The following WDR41 variants were observed in gnomAD, a reference collection of about 807,000 sequenced individuals.
The protein encoded by WDR41 is WD repeat domain 41, also known as WD repeat-containing protein 41.
Under a neutral mutation model 69.3 loss-of-function variants are expected in WDR41, and 63 were observed. The observed-to-expected ratio is 0.91, with a 90% CI of 0.74 to 1.12. The LOEUF (loss-of-function observed/expected upper bound fraction) is 1.12. WDR41 is among the 50% of genes most tolerant of loss of function. The probability of loss-of-function intolerance (pLI) is 0.00; values close to 1 mark genes in which losing one functional copy is unlikely to be tolerated. For missense variants in WDR41, 543 were observed against 534.5 expected, an observed-to-expected ratio of 1.02 and a Z score of -0.16; for synonymous variants, 185 against 192.1, an observed-to-expected ratio of 0.96 and a Z score of 0.31.
chr5:77,609,135 T>C (rs987760153), intron 1 of WDR41, among the ~76,000 whole-genome samples: 2 of 151,996 alleles, frequency 1.3e-5, no homozygotes, highest in African/African-American at 4.8e-5. Flanking sequence ...CTTGCTTAGG[T>C]AAACAAAGCA....
At chr5:77,446,839 A>G (rs1295447370) in intron 8 of WDR41, among the ~76,000 whole-genome samples, 1 of 152,234 alleles carries the variant, frequency 6.6e-6, no homozygotes, top group African/African-American at 2.4e-5. Flanking sequence ...AACCTAGGCA[A>G]TACCATTCAG....
intron 1 of WDR41, among the ~76,000 whole-genome samples, chr5:77,576,194 T>G (rs374577817): frequency 4.6e-5 from 7 of 152,138 alleles, no homozygotes; most frequent in East Asian, 1.9e-4. Flanking sequence ...TCAGCCCCAT[T>G]CCCTCCTGTC....
intron 2 of WDR41, among the ~76,000 whole-genome samples, chr5:77,465,513 T>C (rs923595505): frequency 3.9e-5 from 6 of 152,106 alleles, no homozygotes; most frequent in African/African-American, 1.4e-4. Context: ...TCAAAAGGAA[T>C]AACCTGTCAT....
chr5:77,615,036 T>C (rs918166049), intron 1 of WDR41, among the ~76,000 whole-genome samples: 2 of 152,144 alleles, frequency 1.3e-5, no homozygotes, highest in Non-Finnish European at 2.9e-5. Context: ...AGTGGCTGCC[T>C]GAGGCTGAAA....
upstream of WDR41, among the ~76,000 whole-genome samples, chr5:77,495,456 T>C (rs1239380395): frequency 1.3e-5 from 2 of 151,894 alleles, no homozygotes; most frequent in African/African-American, 4.8e-5. Flanking sequence ...ACTACTGACT[T>C]TGCAGAGAGA....
intron 1 of WDR41, among the ~76,000 whole-genome samples, chr5:77,612,213 A>T (rs1249687426): frequency 1.3e-5 from 2 of 152,246 alleles, no homozygotes; most frequent in Non-Finnish European, 2.9e-5. Flanking sequence ...TACCAGAGGT[A>T]CAAGGAGGAA....
chr5:77,577,628 T>C (rs1283273938), intron 1 of WDR41, among the ~76,000 whole-genome samples: 1 of 152,130 alleles, frequency 6.6e-6, no homozygotes, highest in African/African-American at 2.4e-5. Flanking sequence ...TGCTAGATGT[T>C]TACCCTAGAG....
In WDR41 at chr5:77,449,808, G is replaced by A. The variant is rs757653011; in HGVS notation, c.649C>T (p.Arg217Cys). The A allele has an allele frequency of 9.9e-6, 16 of 1,613,502 alleles. No homozygotes were observed. In the Admixed American group the frequency reaches 1.2e-4, roughly 12 times the overall value. The change falls in exon 8 of 13, where the codon CGC becomes TGC. Residue 217 changes from arginine (R) to cysteine (C), a missense_variant. Transcript: ENST00000296679. ...SLEWDILEVK[R>C]LLDHQDNILS... Reference sequence around the variant, plus strand: ...ATATTATCCTGGTGATCAAGGAGGCGCTTAACTTCAAGAATATCCCATTCT... The same window carrying A: ...ATATTATCCTGGTGATCAAGGAGGCACTTAACTTCAAGAATATCCCATTCT...
chr5:77,617,541 G>A (rs1244660773), intron 1 of WDR41, among the ~76,000 whole-genome samples: 5 of 152,066 alleles, frequency 3.3e-5, no homozygotes, highest in Non-Finnish European at 5.9e-5. Flanking sequence ...TTAAAAATCA[G>A]AGAAAGCTAT....
intron 1 of WDR41, among the ~76,000 whole-genome samples, chr5:77,591,712 T>A (rs186200360): frequency 3.9e-5 from 6 of 152,162 alleles, no homozygotes; most frequent in African/African-American, 1.2e-4. Flanking sequence ...TACTCGTTTT[T>A]CTGTTATTGA....
intron 1 of WDR41, among the ~76,000 whole-genome samples, chr5:77,590,351 C>T (rs1744114111): frequency 6.6e-6 from 1 of 152,070 alleles, no homozygotes; most frequent in Admixed American, 6.6e-5. Flanking sequence ...CATATAACAC[C>T]CAACAGGATG....
chr5:77,453,772 T>C lies in WDR41; in HGVS notation c.523+45A>G, dbSNP rs577399853. 9 of 1,467,564 alleles carry C rather than the reference T, an allele frequency of 6.1e-6. No individual in the cohort carries two copies. The Admixed American group carries it at 1.5e-4, about 25-fold the overall frequency. The allele number at this position is 1,467,564 out of a possible 1,614,324, so 90.9% of individuals were successfully genotyped here. On this transcript the variant is annotated intron_variant, in intron 6 of 12. Transcript: ENST00000296679. Reference sequence around the variant, plus strand: ...GTCTCTCTGAAGATCTGCTGTGTCTTCTAGTCTGTCAATCATAGTTCAAAA... The same window carrying C: ...GTCTCTCTGAAGATCTGCTGTGTCTCCTAGTCTGTCAATCATAGTTCAAAA...
chr5:77,484,765 G>A (rs545085729), intron 2 of WDR41, among the ~76,000 whole-genome samples: 23 of 152,272 alleles, frequency 1.5e-4, no homozygotes, highest in Admixed American at 1.2e-3. Context: ...TGTGGCAGAC[G>A]CCAATACCTG....
At chr5:77,607,613 T>C (rs13178237) in intron 1 of WDR41, among the ~76,000 whole-genome samples, 13,816 of 152,296 alleles carry the variant, frequency 0.091, 869 homozygotes, top group East Asian at 0.25. Context: ...CTTCTAGATA[T>C]GTCATTCCAA....
At position 77,431,139 on chromosome 5, in the gene WDR41, G is replaced by A. The variant is rs1188361563; in HGVS notation, c.*1996C>T. 1 of 152,214 alleles carries A rather than the reference G, an allele frequency of 6.6e-6. No individual in the cohort carries two copies. The highest frequency in any genetic ancestry group is 1.9e-4 in the East Asian group (1 of 5,204). The allele number at this position is 152,214 out of a possible 1,614,324, so 9.4% of individuals were successfully genotyped here. A position where few individuals can be genotyped will look rare whatever the true frequency, so the allele number is the denominator to read the frequency against. ...AGATGACAGACTCTAAATTTTGAAA[G>A]AAGTTCTACTGTGGGTAAAATGCTA... is the stretch of plus-strand genomic sequence containing the variant. On this transcript the variant is annotated 3_prime_UTR_variant, in exon 13 of 13. Transcript: ENST00000296679.
chr5:77,610,722 C>A (rs1181874757), intron 1 of WDR41, among the ~76,000 whole-genome samples: 1 of 152,212 alleles, frequency 6.6e-6, no homozygotes, highest in East Asian at 1.9e-4. Context: ...TAAAGACCAT[C>A]AAGACTAGGA....
At chr5:77,618,680 G>A (rs1416204994) in intron 1 of WDR41, among the ~76,000 whole-genome samples, 3 of 152,242 alleles carry the variant, frequency 2.0e-5, no homozygotes, top group South Asian at 2.1e-4. Context: ...GCCTAAACAC[G>A]TTTTTTGATG....
intron 2 of WDR41, among the ~76,000 whole-genome samples, chr5:77,470,821 T>C (rs1055951198): frequency 9.2e-5 from 14 of 151,790 alleles, no homozygotes; most frequent in African/African-American, 3.4e-4. Flanking sequence ...TCCCACACAA[T>C]AATAATGGGA....
intron 2 of WDR41, among the ~76,000 whole-genome samples, chr5:77,483,481 CGTGTGTGTGTGTGT>C (rs35574463): frequency 0.011 from 1,646 of 143,448 alleles, 36 homozygotes; most frequent in East Asian, 0.11. Context: ...CCTGAATACT[CGTGTGTGTGTGTGT>C]GTGTGTGTGT....
Sources: gnomAD v4.1 joint callset for allele counts (sites outside exome capture counted in the v4.1 genomes callset) on GRCh38, gnomAD v4.1.1 for gene constraint, MANE v1.5 for transcripts, NCBI Gene and HGNC (gene_info 2026-07-23, HGNC 2026-07-21) for gene names.